The following ZBTB7B variants were observed in gnomAD, a reference collection of about 807,000 sequenced individuals.
ZBTB7B encodes zinc finger and BTB domain containing 7B, also known as zinc finger and BTB domain-containing protein 7B.
In ZBTB7B, 8 loss-of-function variants were observed where a neutral mutation model predicts 31.0. That is an observed-to-expected ratio of 0.26 (90% CI 0.15 to 0.47). ZBTB7B has a LOEUF of 0.47. Ranked by LOEUF, ZBTB7B falls within the 20% of genes least tolerant of loss-of-function variation. The pLI is 0.99. For missense variants in ZBTB7B, 494 were observed against 742.4 expected, an observed-to-expected ratio of 0.67 and a Z score of 3.89; for synonymous variants, 261 against 307.3, an observed-to-expected ratio of 0.85 and a Z score of 1.58.
intron 1 of ZBTB7B, chr1:155,010,971 GA>G: frequency 6.5e-7 from 1 of 1,535,830 alleles, no homozygotes; most frequent in Non-Finnish European, 8.7e-7. Flanking sequence ...TGCTCCTGGA[GA>G]AGCCTGGCCA....
Position 155,018,372 on chromosome 1 carries a change from GA to G in ZBTB7B, c.*1688del. 2 of 664,094 alleles carry G rather than the reference GA, an allele frequency of 3.0e-6. No homozygotes were observed. Among genetic ancestry groups the G allele is most frequent in the South Asian group, 3.9e-5 (2 of 50,748 alleles). 41.1% of individuals were successfully genotyped at this position (664,094 alleles called of 1,614,324 possible). Reference sequence around the variant, plus strand: ...CTGGGGCCCAGCCCCAGAAAGTGGGGACAATGTGGCCTCCCTTCTCCCTACT... The same window carrying G: ...CTGGGGCCCAGCCCCAGAAAGTGGGGCAATGTGGCCTCCCTTCTCCCTACT... On this transcript the variant is annotated 3_prime_UTR_variant, in exon 3 of 3. Coordinates refer to ENST00000535420, the MANE Select transcript of ZBTB7B (RefSeq NM_001256455.2).
chr1:155,008,186 G>A (rs1658682586), intron 1 of ZBTB7B, among the ~76,000 whole-genome samples: 1 of 152,142 alleles, frequency 6.6e-6, no homozygotes, highest in African/African-American at 2.4e-5. Context: ...CCTCAGGCCA[G>A]CTCTGTTCCC....
intron 1 of ZBTB7B, chr1:155,010,841 T>G (rs1658915939): frequency 2.4e-6 from 3 of 1,229,530 alleles, no homozygotes; most frequent in South Asian, 1.3e-5. Context: ...GAGACAGAAG[T>G]AAGGGGGAGG....
rs913929327 is a variant in ZBTB7B, at chr1:155,015,306, G to A, written c.646G>A (p.Ala216Thr). 1.2e-6 allele frequency: 2 copies of A among 1,611,222 alleles called. No homozygotes were observed. Among genetic ancestry groups the A allele is most frequent in the Non-Finnish European group, 1.7e-6 (2 of 1,178,350 alleles). The change falls in exon 2 of 3, where the codon GCA becomes ACA. Residue 216 changes from alanine (A) to threonine (T), a missense_variant. This residue lies in a region of ZBTB7B where 216 missense variants were observed against 229.3 expected (regional missense o/e 0.94). Transcript: ENST00000535420. ...KAFLQTKGAR[A>T]NHLVPEVPTV... is the part of the protein sequence containing the mutation. ...TTTCCTGCAAACCAAGGGGGCCAGA[G>A]CAAACCACCTAGTCCCTGAGGTGCC...
At position 155,015,295 on chromosome 1, in the gene ZBTB7B, A is replaced by C. The variant is rs769086915; in HGVS notation, c.635A>C (p.Lys212Thr). The change falls in exon 2 of 3, where the codon AAG becomes ACG. Residue 212 changes from lysine to threonine, a missense_variant. Lys to Thr is a moderately conservative substitution (Grantham distance 78). Around this residue, in one of 5 missense-constraint regions of ZBTB7B, gnomAD observed 216 missense variants for 229.3 expected, o/e 0.94. Coordinates refer to ENST00000535420, the MANE Select transcript of ZBTB7B (RefSeq NM_001256455.2). ...CCCCGGAAAGCTTTCCTGCAAACCA[A>C]GGGGGCCAGAGCAAACCACCTAGTC... ...RKPRKAFLQT[K>T]GARANHLVPE... 4.3e-6 allele frequency: 7 copies of C among 1,612,388 alleles called. No homozygotes were observed. Among genetic ancestry groups the C allele is most frequent in the Non-Finnish European group, 5.1e-6 (6 of 1,179,226 alleles).
chr1:155,002,693 C>T (rs1367920303), upstream of ZBTB7B: 1 of 72,006 alleles, frequency 1.4e-5, no homozygotes, highest in East Asian at 3.8e-4. Context: ...ACAGGTGAGG[C>T]GGGCCCTGAG....
At chr1:155,012,598 G>A (rs1332774610) in intron 1 of ZBTB7B, among the ~76,000 whole-genome samples, 6 of 152,036 alleles carry the variant, frequency 3.9e-5, no homozygotes, top group African/African-American at 7.2e-5. Context: ...AGTGGTTTGC[G>A]GACTTACGGT....
intron 1 of ZBTB7B, among the ~76,000 whole-genome samples, chr1:155,012,896 G>A (rs1659096908): frequency 6.6e-6 from 1 of 151,536 alleles, no homozygotes; most frequent in Non-Finnish European, 1.5e-5. Context: ...AAATGTCAGT[G>A]GGACTTGCCT....
chr1:155,013,475 T>C (rs1348711857), intron 1 of ZBTB7B, among the ~76,000 whole-genome samples: 2 of 152,274 alleles, frequency 1.3e-5, no homozygotes, highest in East Asian at 3.9e-4. Context: ...CCAAGGTCAT[T>C]CAGCAAGACA....
In ZBTB7B at chr1:155,016,607, C is replaced by T; in HGVS notation, c.1542C>T (p.Thr514=). 6.2e-7 allele frequency: 1 copy of T among 1,612,650 alleles called. No individual in the cohort carries two copies. Among genetic ancestry groups the T allele is most frequent in the East Asian group, 2.2e-5 (1 of 44,880 alleles). The part of the protein sequence containing the change: ...QSAPTGPPVS[T]PGPPDDDEEE... ...CCCCCACTGGGCCCCCGGTCTCTAC[C>T]CCAGGGCCCCCTGATGACGATGAGG... Residue 514 remains threonine, a synonymous_variant, in exon 3 of 3, where the codon ACC becomes ACT. Transcript: ENST00000535420. This position sits in a 1 kb window ranked among gnomAD's most constrained non-coding sequence, Gnocchi z 4.3.
rs1445561628 is a variant in ZBTB7B at position 155,018,139 on chromosome 1, CCCTT to C, written c.*1457_*1460del. 1 of 194,968 alleles carries C rather than the reference CCCTT, an allele frequency of 5.1e-6. No individual in the cohort carries two copies. Among genetic ancestry groups the C allele is most frequent in the Non-Finnish European group, 1.1e-5 (1 of 92,348 alleles). The allele number at this position is 194,968 out of a possible 1,614,324, so 12.1% of individuals were successfully genotyped here. A position where few individuals can be genotyped will look rare whatever the true frequency, so the allele number is the denominator to read the frequency against. On this transcript the variant is annotated 3_prime_UTR_variant, in exon 3 of 3. Transcript: ENST00000535420. ...GGTTCAGGGGCCCGGTGCTCTTCCT[CCCTT>C]CCATGCACCCCCATGCCCATTTGCA...
At position 155,016,099 on chromosome 1, in the gene ZBTB7B, G is replaced by A; in HGVS notation, c.1155-121G>A. 12 of 1,108,802 alleles carry A rather than the reference G, an allele frequency of 1.1e-5. No homozygotes were observed. The highest frequency in any genetic ancestry group is 1.4e-5 in the Non-Finnish European group (11 of 771,138). 68.7% of individuals were successfully genotyped at this position (1,108,802 alleles called of 1,614,324 possible). On this transcript the variant is annotated intron_variant, in intron 2 of 2. Coordinates refer to ENST00000535420, the MANE Select transcript of ZBTB7B (RefSeq NM_001256455.2). This position sits in a 1 kb window ranked among gnomAD's most constrained non-coding sequence, Gnocchi z 4.3. ...GTGAGCTAGCAGGGTATCTCCTGGGGCAATAGTGGGGTAACAAATGGTGAG... is the reference window on the plus strand; with the variant it reads ...GTGAGCTAGCAGGGTATCTCCTGGGACAATAGTGGGGTAACAAATGGTGAG...
At position 155,015,679 on chromosome 1, in the gene ZBTB7B, G is replaced by A. The variant is rs1176795667; in HGVS notation, c.1019G>A (p.Arg340His). Residue 340 changes from arginine to histidine, a missense_variant, in exon 2 of 3, where the codon CGC (arginine) becomes CAC (histidine). Transcript: ENST00000535420. ...AGCCAAGACAAGCTGGTGCGCAAACGCCGCTCCCAGATGCCTCAGGAGTGC... is the reference window on the plus strand; with the variant it reads ...AGCCAAGACAAGCTGGTGCGCAAACACCGCTCCCAGATGCCTCAGGAGTGC... ...LDSQDKLVRKRRSQMPQECPV... is the reference protein window; with the variant it reads ...LDSQDKLVRKHRSQMPQECPV... 6.2e-7 allele frequency: 1 copy of A among 1,613,002 alleles called. No individual in the cohort carries two copies. The highest frequency in any genetic ancestry group is 8.5e-7 in the Non-Finnish European group (1 of 1,180,012).
At chr1:155,010,650 G>A (rs1048009717) in intron 1 of ZBTB7B, among the ~76,000 whole-genome samples, 5 of 152,148 alleles carry the variant, frequency 3.3e-5, no homozygotes, top group African/African-American at 1.2e-4. Flanking sequence ...CCTGGGAAGC[G>A]GTGGGGGAAG....
intron 1 of ZBTB7B, chr1:155,013,945 G>A (rs1006945385): frequency 6.1e-6 from 5 of 815,556 alleles, no homozygotes; most frequent in Non-Finnish European, 7.4e-6. Flanking sequence ...TTGGTAGCCA[G>A]GGGAGGGGCA....
Position 155,016,630 on chromosome 1 carries a change from A to G in ZBTB7B, c.1565A>G (p.Glu522Gly). The G allele has an allele frequency of 6.2e-6, 10 of 1,607,912 alleles. No homozygotes were observed. Among genetic ancestry groups the G allele is most frequent in the Non-Finnish European group, 7.6e-6 (9 of 1,176,544 alleles). The change falls in exon 3 of 3, where the codon GAG (glutamate) becomes GGG (glycine). Residue 522 changes from glutamate to glycine, a missense_variant. Transcript: ENST00000535420. This position sits in a 1 kb window ranked among gnomAD's most constrained non-coding sequence, Gnocchi z 4.3. ...ACCCCAGGGCCCCCTGATGACGATG[A>G]GGAGGAAGGGGCACCCACCACACCC... Reference protein sequence around the residue: ...VSTPGPPDDDEEEGAPTTPQA... With the variant: ...VSTPGPPDDDGEEGAPTTPQA...
At chr1:155,010,816 G>C (rs530537441) in intron 1 of ZBTB7B, 56 of 951,452 alleles carry the variant, frequency 5.9e-5, no homozygotes, top group South Asian at 3.5e-4. Context: ...GGGGTGGGGG[G>C]GTGGAGGGAG....
At position 155,018,354 on chromosome 1, in the gene ZBTB7B, C is replaced by T. The variant is rs960323300; in HGVS notation, c.*1669C>T. The T allele has an allele frequency of 2.3e-5, 14 of 621,946 alleles. No homozygotes were observed. The highest frequency in any genetic ancestry group is 3.6e-5 in the Non-Finnish European group (13 of 361,842). 38.5% of individuals were successfully genotyped at this position (621,946 alleles called of 1,614,324 possible). On this transcript the variant is annotated 3_prime_UTR_variant, in exon 3 of 3. Transcript: ENST00000535420. ...GCCCAGGGCTGGGGAGACCTGGGGC[C>T]CAGCCCCAGAAAGTGGGGACAATGT...
At chr1:155,005,402 A>G (rs1658504360) in intron 1 of ZBTB7B, among the ~76,000 whole-genome samples, 2 of 152,170 alleles carry the variant, frequency 1.3e-5, no homozygotes, top group South Asian at 4.1e-4. Flanking sequence ...ACAGCCTAGG[A>G]CTGGGCATTT....
Sources: allele counts gnomAD v4.1 joint callset (sites outside exome capture counted in the v4.1 genomes callset), GRCh38; gene constraint gnomAD v4.1.1; regional missense constraint gnomAD v4.1.1; non-coding constraint Gnocchi (gnomAD v3.1); transcripts MANE v1.5; gene names NCBI Gene and HGNC (gene_info 2026-07-23, HGNC 2026-07-21).